Variants in PPEF2 observed in about 807,000 individuals in gnomAD.
The protein encoded by PPEF2 is protein phosphatase with EF-hand domain 2, also known as serine/threonine-protein phosphatase with EF-hands 2.
A neutral mutation model predicts 84.7 loss-of-function variants in PPEF2; 84 were observed. That is an observed-to-expected ratio of 0.99 (90% CI 0.83 to 1.19). The LOEUF (loss-of-function observed/expected upper bound fraction) is 1.19, where lower values mean the gene tolerates loss of function less well. Among genes scored for constraint, PPEF2 ranks in the 50% most tolerant of loss-of-function variants. The probability of loss-of-function intolerance (pLI) is 0.00; values close to 1 mark genes in which losing one functional copy is unlikely to be tolerated. For missense variants in PPEF2, 924 were observed against 937.5 expected (o/e 0.99, Z 0.19); for synonymous variants, 346 against 345.2 (o/e 1.00, Z -0.03).
In PPEF2 at chr4:75,860,550, G is replaced by A; in HGVS notation, c.*117C>T. The A allele has an allele frequency of 7.9e-7, 1 of 1,261,804 alleles. No individual in the cohort carries two copies. The highest frequency in any genetic ancestry group is 2.4e-5 in the East Asian group (1 of 41,548). 78.2% of individuals were successfully genotyped at this position (1,261,804 alleles called of 1,614,324 possible). Reference sequence around the variant, plus strand: ...ACTGAAATACACAGGTGATTCTGATGCATATGGATAGGTAAATTTTCAGCA... The same window carrying A: ...ACTGAAATACACAGGTGATTCTGATACATATGGATAGGTAAATTTTCAGCA... On this transcript the variant is annotated 3_prime_UTR_variant, in exon 17 of 17. Transcript: ENST00000286719.
At position 75,886,837 on chromosome 4, in the gene PPEF2, T is replaced by G. The variant is rs1420187578; in HGVS notation, c.579+15A>C. On this transcript the variant is annotated intron_variant, in intron 7 of 16. Coordinates refer to ENST00000286719, the MANE Select transcript of PPEF2 (RefSeq NM_006239.3). ...GCTTCAGAGCAAGAAAGCAACTTAATTTGAACATTCATACCTTATAAAATA... is the reference window on the plus strand; with the variant it reads ...GCTTCAGAGCAAGAAAGCAACTTAAGTTGAACATTCATACCTTATAAAATA... The G allele has an allele frequency of 2.1e-6, 3 of 1,450,044 alleles. No individual in the cohort carries two copies. The highest frequency in any genetic ancestry group is 2.8e-6 in the Non-Finnish European group (3 of 1,063,208). The allele number at this position is 1,450,044 out of a possible 1,614,324, so 89.8% of individuals were successfully genotyped here. A position where few individuals can be genotyped will look rare whatever the true frequency, so the allele number is the denominator to read the frequency against.
intron 15 of PPEF2, among the ~76,000 whole-genome samples, chr4:75,865,585 C>T (rs891943769): frequency 6.6e-6 from 1 of 152,030 alleles, no homozygotes; most frequent in Admixed American, 6.6e-5. Context: ...GGGGTTTCAT[C>T]GTGTTGGCCA....
At chr4:75,878,321 AAG>A (rs921039020) in intron 10 of PPEF2, among the ~76,000 whole-genome samples, 2 of 152,196 alleles carry the variant, frequency 1.3e-5, no homozygotes, top group African/African-American at 4.8e-5. Flanking sequence ...AGCGAGCAAA[AAG>A]AGAGAGCAGC....
At chr4:75,884,166 C>T (rs564302710) in intron 8 of PPEF2, among the ~76,000 whole-genome samples, 7 of 151,832 alleles carry the variant, frequency 4.6e-5, no homozygotes, top group African/African-American at 1.4e-4. Flanking sequence ...CGGTGGCTCA[C>T]GTCTGTAAAT....
chr4:75,862,944 C>T (rs1285726320), intron 16 of PPEF2, among the ~76,000 whole-genome samples: 1 of 152,134 alleles, frequency 6.6e-6, no homozygotes, highest in African/African-American at 2.4e-5. Flanking sequence ...TCTGTCCACA[C>T]AGTGGAATAT....
rs1724681818 is a variant in PPEF2, at chr4:75,884,767, A to G, written c.580-7T>C. ...CTGGCGACGGGAGGCCATTCTTTTC[A>G]ACAAGGAGACCAGTGAAAGAATGAA... is the stretch of plus-strand genomic sequence containing the variant. On this transcript the variant is annotated splice_region_variant and splice_polypyrimidine_tract_variant and intron_variant, in intron 7 of 16. Coordinates refer to ENST00000286719, the MANE Select transcript of PPEF2 (RefSeq NM_006239.3). The G allele has an allele frequency of 6.4e-7, 1 of 1,570,724 alleles. No individual in the cohort carries two copies. The highest frequency in any genetic ancestry group is 2.0e-5 in the Admixed American group (1 of 49,596).
intron 8 of PPEF2, among the ~76,000 whole-genome samples, chr4:75,883,817 CAAAAAAAAAA>C (rs35897623): frequency 6.6e-5 from 4 of 60,700 alleles, no homozygotes; most frequent in South Asian, 9.6e-4. Context: ...GACTCCGTCA[CAAAAAAAAAA>C]AAAAAAAAAA....
intron 13 of PPEF2, among the ~76,000 whole-genome samples, chr4:75,870,829 T>A (rs1237232742): frequency 2.0e-5 from 3 of 152,156 alleles, no homozygotes; most frequent in Non-Finnish European, 4.4e-5. Flanking sequence ...TATAACATTT[T>A]GTGGTTGTAA....
At chr4:75,901,634 C>T (rs1487074813) in intron 1 of PPEF2, among the ~76,000 whole-genome samples, 1 of 152,100 alleles carries the variant, frequency 6.6e-6, no homozygotes, top group East Asian at 1.9e-4. Context: ...TGAGGGAGCC[C>T]GAGATTGTTG....
At chr4:75,879,254 A>C (rs547205501) in intron 10 of PPEF2, among the ~76,000 whole-genome samples, 5 of 152,290 alleles carry the variant, frequency 3.3e-5, no homozygotes, top group Non-Finnish European at 1.5e-5. Flanking sequence ...TTGACATTTG[A>C]AATTTGGAGG....
chr4:75,881,559 G>A (rs1478902448), intron 10 of PPEF2: 1 of 152,166 alleles, frequency 6.6e-6, no homozygotes, highest in Non-Finnish European at 1.5e-5. Context: ...GACAGAGTGA[G>A]ACCTTGTCTC....
Position 75,876,369 on chromosome 4 carries a change from T to C in PPEF2, c.1238A>G (p.Lys413Arg). The change falls in exon 11 of 17, where the codon AAA (lysine) becomes AGA (arginine). Residue 413 changes from lysine (K) to arginine (R), a missense_variant. Lys to Arg is a conservative substitution (Grantham distance 26, BLOSUM62 2). Transcript: ENST00000286719. ...QQAGLLVTGE[K>R]EEPSRSASEA... Reference sequence around the variant, plus strand: ...TGAGGCTGAGCGGGAGGGCTCCTCTTTCTCTCCGGTCACCAGGAGGCCTGC... The same window carrying C: ...TGAGGCTGAGCGGGAGGGCTCCTCTCTCTCTCCGGTCACCAGGAGGCCTGC... 5 of 1,614,084 alleles carry C rather than the reference T, an allele frequency of 3.1e-6. No homozygotes were observed. Among genetic ancestry groups the C allele is most frequent in the Non-Finnish European group, 3.4e-6 (4 of 1,180,022 alleles).
chr4:75,870,543 A>G (rs1724242299), intron 13 of PPEF2, among the ~76,000 whole-genome samples: 1 of 152,174 alleles, frequency 6.6e-6, no homozygotes, highest in Non-Finnish European at 1.5e-5. Context: ...TGAATACTTA[A>G]AGAAGCATGT....
In PPEF2 at chr4:75,891,903, G is replaced by A. The variant is rs760642545; in HGVS notation, c.131C>T (p.Thr44Ile). 3 of 1,613,974 alleles carry A rather than the reference G, an allele frequency of 1.9e-6. No homozygotes were observed. In the East Asian group the frequency reaches 6.7e-5, roughly 36 times the overall value. Reference sequence around the variant, plus strand: ...TTCTATAGACTGGAAGATGCTCCAGGTGCAACGCCGCCTCATCTCCAGGCG... The same window carrying A: ...TTCTATAGACTGGAAGATGCTCCAGATGCAACGCCGCCTCATCTCCAGGCG... ...VARLEMRRRC[T>I]WSIFQSIEYA... Residue 44 changes from threonine to isoleucine, a missense_variant, in exon 3 of 17, where the codon ACC (threonine) becomes ATC (isoleucine). Transcript: ENST00000286719.
Position 75,860,164 on chromosome 4 carries a change from C to A in PPEF2, c.*503G>T, listed in dbSNP as rs905370576. 6.4e-6 allele frequency: 1 copy of A among 156,576 alleles called. No homozygotes were observed. Among genetic ancestry groups the A allele is most frequent in the African/African-American group, 2.4e-5 (1 of 41,474 alleles). 9.7% of individuals were successfully genotyped at this position (156,576 alleles called of 1,614,324 possible). On this transcript the variant is annotated 3_prime_UTR_variant, in exon 17 of 17. Coordinates refer to ENST00000286719, the MANE Select transcript of PPEF2 (RefSeq NM_006239.3). Reference sequence around the variant, plus strand: ...GGGAGTTCAAGACCAGCCTGACCAACATGGAGAAACCCTGTGTCTACTAAA... The same window carrying A: ...GGGAGTTCAAGACCAGCCTGACCAAAATGGAGAAACCCTGTGTCTACTAAA...
intron 1 of PPEF2, among the ~76,000 whole-genome samples, chr4:75,897,636 G>A (rs1725037520): frequency 1.3e-5 from 2 of 152,192 alleles, no homozygotes; most frequent in South Asian, 4.1e-4. Flanking sequence ...TTAGCTGGGT[G>A]TGGTGGTGCA....
In PPEF2 at chr4:75,882,887, G is replaced by A. The variant is rs1440191235; in HGVS notation, c.933+39C>T. ...ACATTTATATTGGCAATGAAACTGGGCATTATGGTGAAATTTGTATTATTT... is the reference window on the plus strand; with the variant it reads ...ACATTTATATTGGCAATGAAACTGGACATTATGGTGAAATTTGTATTATTT... On this transcript the variant is annotated intron_variant, in intron 10 of 16. Coordinates refer to ENST00000286719, the MANE Select transcript of PPEF2 (RefSeq NM_006239.3). 4.4e-6 allele frequency: 7 copies of A among 1,585,686 alleles called. No individual in the cohort carries two copies. The South Asian group carries it at 5.7e-5, about 13-fold the overall frequency.
chr4:75,887,552 C>T (rs1159823714), intron 6 of PPEF2, among the ~76,000 whole-genome samples: 5 of 146,690 alleles, frequency 3.4e-5, no homozygotes, highest in African/African-American at 1.3e-4. Flanking sequence ...ACCCGGGAGG[C>T]GGAGCTTGCA....
At chr4:75,861,978 T>C (rs775922519) in intron 16 of PPEF2, among the ~76,000 whole-genome samples, 2 of 150,940 alleles carry the variant, frequency 1.3e-5, no homozygotes, top group Non-Finnish European at 1.5e-5. Context: ...AAAAATAAAT[T>C]GGACTTTTTC....
Sources: gnomAD v4.1 joint callset for allele counts (sites outside exome capture counted in the v4.1 genomes callset) on GRCh38, gnomAD v4.1.1 for gene constraint, MANE v1.5 for transcripts, NCBI Gene and HGNC (gene_info 2026-07-23, HGNC 2026-07-21) for gene names.